NR6A1: variants seen among roughly 807,000 people sequenced by gnomAD.
NR6A1 encodes nuclear receptor subfamily 6 group A member 1.
A neutral mutation model predicts 59.1 loss-of-function variants in NR6A1; 7 were observed. The observed-to-expected ratio is 0.12, with a 90% CI of 0.07 to 0.22. NR6A1 has a LOEUF of 0.22. Among genes scored for constraint, NR6A1 ranks in the 10% least tolerant of loss-of-function variants. The pLI, the probability that NR6A1 is intolerant of heterozygous loss-of-function variation, is 1.00. For missense variants in NR6A1, 468 were observed against 611.6 expected (o/e 0.77, Z 2.48); for synonymous variants, 243 against 236.1 (o/e 1.03, Z -0.27).
intron 2 of NR6A1, among the ~76,000 whole-genome samples, chr9:124,609,467 T>C (rs934836072): frequency 6.6e-6 from 1 of 152,234 alleles, no homozygotes; most frequent in African/African-American, 2.4e-5. Flanking sequence ...CATTGGTCTA[T>C]GTGTCTGTTT....
At chr9:124,530,792 A>G (rs1321850575) in intron 7 of NR6A1, among the ~76,000 whole-genome samples, 2 of 152,266 alleles carry the variant, frequency 1.3e-5, no homozygotes, top group Non-Finnish European at 2.9e-5. Flanking sequence ...GACAAATTCC[A>G]GAAAGTCAAA....
intron 2 of NR6A1, among the ~76,000 whole-genome samples, chr9:124,703,895 T>C (rs1839042016): frequency 6.6e-6 from 1 of 152,128 alleles, no homozygotes; most frequent in Admixed American, 6.5e-5. Context: ...CCTGGCCTCA[T>C]GCCACCTGAG....
At chr9:124,538,984 G>A (rs1370725608) in intron 5 of NR6A1, among the ~76,000 whole-genome samples, 1 of 151,068 alleles carries the variant, frequency 6.6e-6, no homozygotes, top group Admixed American at 6.6e-5. Flanking sequence ...GAGGTGGAAG[G>A]ATCACTTAAG....
At chr9:124,714,479 C>G (rs1427491719) in intron 2 of NR6A1, among the ~76,000 whole-genome samples, 1 of 152,152 alleles carries the variant, frequency 6.6e-6, no homozygotes, top group East Asian at 1.9e-4. Flanking sequence ...ACTCCTTCCC[C>G]CTAAGATTAA....
At chr9:124,749,253 A>G (rs1158225488) in intron 1 of NR6A1, among the ~76,000 whole-genome samples, 2 of 150,542 alleles carry the variant, frequency 1.3e-5, no homozygotes, top group Non-Finnish European at 3.0e-5. Flanking sequence ...CAAGAGTGAA[A>G]CTCCATTTCA....
chr9:124,615,611 T>C (rs1399382413), intron 2 of NR6A1, among the ~76,000 whole-genome samples: 1 of 151,702 alleles, frequency 6.6e-6, no homozygotes, highest in Non-Finnish European at 1.5e-5. Flanking sequence ...TTGTGAAATA[T>C]AAGGGTTTTT....
intron 2 of NR6A1, among the ~76,000 whole-genome samples, chr9:124,574,769 G>A (rs749492325): frequency 6.6e-6 from 1 of 152,116 alleles, no homozygotes; most frequent in African/African-American, 2.4e-5. Context: ...AATCTACTGT[G>A]GCTTGATGAG....
chr9:124,757,335 T>A (rs1467012751), intron 1 of NR6A1, among the ~76,000 whole-genome samples: 1 of 151,844 alleles, frequency 6.6e-6, no homozygotes. Flanking sequence ...TGGGCTGTCA[T>A]ACAGCTATCG....
intron 2 of NR6A1, among the ~76,000 whole-genome samples, chr9:124,714,546 T>C (rs1433124193): frequency 1.3e-5 from 2 of 152,174 alleles, no homozygotes; most frequent in Non-Finnish European, 2.9e-5. Context: ...CTGGAAATCT[T>C]AGCCAGTGCA....
intron 1 of NR6A1, among the ~76,000 whole-genome samples, chr9:124,767,465 T>C (rs758435401): frequency 6.6e-6 from 1 of 151,696 alleles, no homozygotes; most frequent in Non-Finnish European, 1.5e-5. Context: ...CACTGTCGCC[T>C]TTCTTCTACC....
Position 124,695,365 on chromosome 9 carries a change from T to G in NR6A1, c.142+37943A>C, listed in dbSNP as rs940825760. On this transcript the variant is annotated intron_variant, in intron 2 of 9. Transcript: ENST00000487099. ...GAAATTACCAAAAGGTTTTTTTGTG[T>G]GTGTTTTTCTTTCGTTTGTTTGTTT... Among the ~76,000 whole-genome samples, 8 of 152,270 alleles carry G rather than the reference T, an allele frequency of 5.3e-5. No individual in the cohort carries two copies. The East Asian group carries it at 1.5e-3, about 29-fold the overall frequency.
intron 1 of NR6A1, among the ~76,000 whole-genome samples, chr9:124,745,547 T>C (rs1840304594): frequency 6.6e-6 from 1 of 151,904 alleles, no homozygotes; most frequent in African/African-American, 2.4e-5. Flanking sequence ...GGCGCATGCC[T>C]GTAGTCCCAG....
intron 1 of NR6A1, among the ~76,000 whole-genome samples, chr9:124,741,411 T>C (rs936941206): frequency 3.3e-5 from 5 of 152,258 alleles, no homozygotes; most frequent in African/African-American, 1.2e-4. Flanking sequence ...CTCCTTCAAA[T>C]ATTAAGTATC....
chr9:124,742,290 C>T (rs749184793), intron 1 of NR6A1, among the ~76,000 whole-genome samples: 9 of 152,178 alleles, frequency 5.9e-5, no homozygotes, highest in African/African-American at 2.2e-4. Context: ...AGGCCGGGCA[C>T]GGTGGCTCAC....
chr9:124,659,501 G>C (rs552561656), intron 2 of NR6A1, among the ~76,000 whole-genome samples: 1 of 152,322 alleles, frequency 6.6e-6, no homozygotes, highest in East Asian at 1.9e-4. Context: ...GAGTGGGCAA[G>C]GGGGAATGCA....
intron 2 of NR6A1, among the ~76,000 whole-genome samples, chr9:124,711,617 CCATCCCCAAACTCA>C (rs1839283505): frequency 6.6e-6 from 1 of 152,070 alleles, no homozygotes; most frequent in African/African-American, 2.4e-5. Context: ...CCTTCTCACC[CCATCCCCAAACTCA>C]GATCCCCTTG....
chr9:124,708,024 T>C (rs1839183962), intron 2 of NR6A1, among the ~76,000 whole-genome samples: 1 of 152,178 alleles, frequency 6.6e-6, no homozygotes, highest in Admixed American at 6.5e-5. Flanking sequence ...AGGTGTCTGA[T>C]GTGCATAAAT....
chr9:124,727,748 G>C (rs1314899085), intron 2 of NR6A1, among the ~76,000 whole-genome samples: 2 of 152,024 alleles, frequency 1.3e-5, no homozygotes, highest in African/African-American at 4.8e-5. Context: ...GCAGTGGCAC[G>C]ATCTTGGTTC....
rs1330053148 is a variant in NR6A1 at position 124,565,010 on chromosome 9, G to GA, written c.143-10441dup. ...ATGGGGCAATTTGATATCTATATGG[G>GA]AAAAAAATGAAACCCAATTCTACTA... is the stretch of plus-strand genomic sequence containing the variant. On this transcript the variant is annotated intron_variant, in intron 2 of 9. Transcript: ENST00000487099. 3.3e-5 allele frequency among the ~76,000 whole-genome samples: 5 copies of GA among 152,024 alleles called. No homozygotes were observed. In the East Asian group the frequency reaches 9.6e-4, roughly 29 times the overall value.
Sources: gnomAD v4.1 joint callset for allele counts (sites outside exome capture counted in the v4.1 genomes callset) on GRCh38, gnomAD v4.1.1 for gene constraint, MANE v1.5 for transcripts, NCBI Gene and HGNC (gene_info 2026-07-23, HGNC 2026-07-21) for gene names.